Variants in PCNT observed in about 807,000 individuals in gnomAD.
The protein encoded by PCNT is kendrin.
In PCNT, 319 loss-of-function variants were observed where a neutral mutation model predicts 380.4. That is an observed-to-expected ratio of 0.84 (90% CI 0.77 to 0.92). PCNT has a LOEUF of 0.92. Ranked by LOEUF, PCNT falls within the 40% of genes least tolerant of loss-of-function variation. The probability of loss-of-function intolerance (pLI) is 0.00; values close to 1 mark genes in which losing one functional copy is unlikely to be tolerated. For missense variants in PCNT, 4,400 were observed against 4,255.3 expected (o/e 1.03, Z -0.95); for synonymous variants, 1,845 against 1,735.2 (o/e 1.06, Z -1.57).
Position 46,346,337 on chromosome 21 carries a change from C to G in PCNT, c.720+129C>G, listed in dbSNP as rs2084066720. ...TCTCTGAGTTGTCTGTTTCCACGTTCTGTGTGTGGGGCCATCAGCAGGGCC... is the reference window on the plus strand; with the variant it reads ...TCTCTGAGTTGTCTGTTTCCACGTTGTGTGTGTGGGGCCATCAGCAGGGCC... On this transcript the variant is annotated intron_variant, in intron 4 of 46. Transcript: ENST00000359568. 7.5e-6 allele frequency: 6 copies of G among 802,920 alleles called. No individual in the cohort carries two copies. In the Admixed American group the frequency reaches 8.3e-5, roughly 11 times the overall value. The allele number at this position is 802,920 out of a possible 1,614,324, so 49.7% of individuals were successfully genotyped here.
At chr21:46,434,549 T>G (rs146691069) in intron 38 of PCNT, among the ~76,000 whole-genome samples, 49 of 152,356 alleles carry the variant, frequency 3.2e-4, no homozygotes, top group Admixed American at 8.5e-4. Flanking sequence ...CTTCAGAGGC[T>G]GCTTCGTCCT....
intron 14 of PCNT, among the ~76,000 whole-genome samples, chr21:46,365,122 C>T (rs1347884896): frequency 8.5e-5 from 13 of 152,216 alleles, no homozygotes; most frequent in Admixed American, 8.5e-4. Flanking sequence ...CTATTCACTT[C>T]CATGGGGTTC....
intron 3 of PCNT, among the ~76,000 whole-genome samples, chr21:46,338,738 T>C (rs1311139447): frequency 6.6e-6 from 1 of 151,882 alleles, no homozygotes; most frequent in African/African-American, 2.4e-5. Context: ...CCCGAGTAGC[T>C]GGGATTACAG....
At chr21:46,369,367 C>T (rs1278476901) in intron 15 of PCNT, among the ~76,000 whole-genome samples, 1 of 152,202 alleles carries the variant, frequency 6.6e-6, no homozygotes, top group African/African-American at 2.4e-5. Context: ...AGCCACTGCT[C>T]CCAGCTTGGG....
intron 37 of PCNT, chr21:46,431,157 G>A (rs1363757550): frequency 9.2e-6 from 11 of 1,195,764 alleles, no homozygotes; most frequent in South Asian, 1.8e-5. Flanking sequence ...GTGATTTTCT[G>A]AAGAGGGGGC....
intron 15 of PCNT, among the ~76,000 whole-genome samples, chr21:46,373,671 C>T (rs1373551530): frequency 1.3e-5 from 2 of 150,456 alleles, no homozygotes; most frequent in African/African-American, 2.4e-5. Flanking sequence ...GTGATCCGTC[C>T]GCCTCACCCT....
chr21:46,419,576 G>A (rs11702718), intron 31 of PCNT, among the ~76,000 whole-genome samples: 55,001 of 152,038 alleles, frequency 0.36, 10,633 homozygotes, highest in Middle Eastern at 0.49. Context: ...GGGAGCGTGC[G>A]TCCCCCTCGA....
At chr21:46,415,835 A>C (rs1464364017) in intron 29 of PCNT, among the ~76,000 whole-genome samples, 3 of 152,198 alleles carry the variant, frequency 2.0e-5, no homozygotes, top group Non-Finnish European at 2.9e-5. Context: ...CCTTGTATGA[A>C]GCTTGTGTCC....
At position 46,443,254 on chromosome 21, in the gene PCNT, A is replaced by G. The variant is rs143102014; in HGVS notation, c.9701-556A>G. ...GTTTTTTAAGAGACGGGCTTGCTCT[A>G]TCATCCAGGCTCGAGTGCAATGGCA... is the stretch of plus-strand genomic sequence containing the variant. On this transcript the variant is annotated intron_variant, in intron 44 of 46. Transcript: ENST00000359568. 76 of 163,258 alleles carry G rather than the reference A, an allele frequency of 4.7e-4. No homozygotes were observed. The East Asian group carries it at 5.5e-3, about 12-fold the overall frequency. 10.1% of individuals were successfully genotyped at this position (163,258 alleles called of 1,614,324 possible).
At chr21:46,331,047 T>C (rs2083544434) in intron 2 of PCNT, among the ~76,000 whole-genome samples, 1 of 152,136 alleles carries the variant, frequency 6.6e-6, no homozygotes, top group Non-Finnish European at 1.5e-5. Flanking sequence ...TGTGAGAGTG[T>C]GTGTATGTGT....
chr21:46,361,287 G>T (rs1299501705), intron 13 of PCNT, among the ~76,000 whole-genome samples: 1 of 152,178 alleles, frequency 6.6e-6, no homozygotes, highest in Non-Finnish European at 1.5e-5. Flanking sequence ...GCTACTCGGG[G>T]GCCTGAGGCA....
At chr21:46,356,332 T>G (rs796146780) in intron 12 of PCNT, among the ~76,000 whole-genome samples, 1 of 152,186 alleles carries the variant, frequency 6.6e-6, no homozygotes, top group African/African-American at 2.4e-5. Flanking sequence ...TCCTTCAAGC[T>G]GGGGGTGGTG....
In PCNT at chr21:46,349,097, T is replaced by C. The variant is rs1440674869; in HGVS notation, c.1118T>C (p.Met373Thr). Residue 373 changes from methionine to threonine, a missense_variant, in exon 7 of 47, where the codon ATG becomes ACG. Coordinates refer to ENST00000359568, the MANE Select transcript of PCNT (RefSeq NM_006031.6). ...KELSAKHQSE[M>T]EDLQNQFQKE... The stretch of plus-strand genomic sequence containing the variant: ...CTGTCTGCAAAGCATCAATCAGAAA[T>C]GGAGGATTTACAAAACCAGTTTCAG... 7 of 1,610,496 alleles carry C rather than the reference T, an allele frequency of 4.3e-6. No individual in the cohort carries two copies. In the Admixed American group the frequency reaches 5.0e-5, roughly 12 times the overall value.
intron 15 of PCNT, among the ~76,000 whole-genome samples, chr21:46,376,132 C>T (rs576061571): frequency 1.3e-5 from 2 of 152,178 alleles, no homozygotes; most frequent in South Asian, 2.1e-4. Context: ...CCGGAGGCCG[C>T]GGGGCTAGAG....
intron 8 of PCNT, among the ~76,000 whole-genome samples, 158 bp downstream of exon 8, chr21:46,349,978 C>T (rs2084207010): frequency 6.6e-6 from 1 of 152,142 alleles, no homozygotes; most frequent in Admixed American, 6.5e-5. Flanking sequence ...AACTCTATCA[C>T]TTTGGGAGGC....
chr21:46,353,268 T>C lies in PCNT; in HGVS notation c.1621T>C (p.Leu541=), dbSNP rs755153957. 1.2e-6 allele frequency: 2 copies of C among 1,614,154 alleles called. No homozygotes were observed. The highest frequency in any genetic ancestry group is 1.7e-6 in the Non-Finnish European group (2 of 1,180,026). ...EKTYQEDLTL[L]QQRLQGARED... is the part of the protein sequence containing the mutation. ...AACTTACCAAGAAGACCTAACCCTG[T>C]TACAGCAGAGGCTGCAGGGGGCGAG... The change falls in exon 10 of 47, where the codon TTA becomes CTA. Residue 541 remains leucine (L), a synonymous_variant. Coordinates refer to ENST00000359568, the MANE Select transcript of PCNT (RefSeq NM_006031.6).
At chr21:46,328,595 G>A (rs1297404043) in intron 2 of PCNT, among the ~76,000 whole-genome samples, 1 of 152,070 alleles carries the variant, frequency 6.6e-6, no homozygotes, top group Non-Finnish European at 1.5e-5. Flanking sequence ...CGTGTAGCTG[G>A]GATTGCAGGC....
chr21:46,429,001 GC>G (rs1420253637), intron 35 of PCNT, among the ~76,000 whole-genome samples: 2 of 152,214 alleles, frequency 1.3e-5, no homozygotes, highest in African/African-American at 4.8e-5. Context: ...CACGTGCTGT[GC>G]CGTCAGCTGT....
At chr21:46,360,135 A>G (rs111355386) in intron 13 of PCNT, among the ~76,000 whole-genome samples, 32 of 145,112 alleles carry the variant, frequency 2.2e-4, no homozygotes, top group African/African-American at 6.9e-4. Flanking sequence ...GGGATTACAG[A>G]TGTGAGCCAC....
Sources: allele counts gnomAD v4.1 joint callset (sites outside exome capture counted in the v4.1 genomes callset), GRCh38; gene constraint gnomAD v4.1.1; transcripts MANE v1.5; gene names NCBI Gene and HGNC (gene_info 2026-07-23, HGNC 2026-07-21).